SCEL: variants seen among roughly 807,000 people sequenced by gnomAD.
The protein encoded by SCEL is sciellin.
Under a neutral mutation model 117.6 loss-of-function variants are expected in SCEL, and 113 were observed. That is an observed-to-expected ratio of 0.96 (90% CI 0.83 to 1.12). SCEL has a LOEUF of 1.12. Among genes scored for constraint, SCEL ranks in the 50% most tolerant of loss-of-function variants. SCEL has a pLI of 0.00. For missense variants in SCEL, 785 were observed against 810.8 expected (o/e 0.97, Z 0.39); for synonymous variants, 270 against 256.2 (o/e 1.05, Z -0.51).
At chr13:77,543,284 C>T (rs1480358548) in intron 1 of SCEL, among the ~76,000 whole-genome samples, 1 of 151,564 alleles carries the variant, frequency 6.6e-6, no homozygotes, top group African/African-American at 2.4e-5. Flanking sequence ...GGGGTTTCAC[C>T]GTTTTAGCCG....
chr13:77,543,747 A>G (rs1328260789), intron 1 of SCEL, among the ~76,000 whole-genome samples: 1 of 152,212 alleles, frequency 6.6e-6, no homozygotes, highest in Non-Finnish European at 1.5e-5. Context: ...CTCCAGCTGC[A>G]TCCATGTTGC....
At chr13:77,587,190 C>A (rs1446975549) in intron 9 of SCEL, among the ~76,000 whole-genome samples, 2 of 152,048 alleles carry the variant, frequency 1.3e-5, no homozygotes, top group Non-Finnish European at 2.9e-5. Flanking sequence ...GAACCTTCCT[C>A]ACTCTGAGTC....
At position 77,550,149 on chromosome 13, in the gene SCEL, G is replaced by A. The variant is rs186288865; in HGVS notation, c.-19-5708G>A. Among the ~76,000 whole-genome samples, 3 of 151,978 alleles carry A rather than the reference G, an allele frequency of 2.0e-5. 1 individual carries two copies. Among genetic ancestry groups the A allele is most frequent in the African/African-American group, 7.2e-5 (3 of 41,454 alleles). ...ATCTGTAATCCCAGTACTTCGGGAG[G>A]CTGAGGCAGGTGGATGGCTTGAGGC... On this transcript the variant is annotated intron_variant, in intron 1 of 32. Coordinates refer to ENST00000349847, the MANE Select transcript of SCEL (RefSeq NM_144777.3).
At chr13:77,542,759 T>G (rs1194040428) in intron 1 of SCEL, among the ~76,000 whole-genome samples, 1 of 152,206 alleles carries the variant, frequency 6.6e-6, no homozygotes, top group Non-Finnish European at 1.5e-5. Flanking sequence ...TCTTGTACTT[T>G]TAGGTGGTAA....
intron 1 of SCEL, among the ~76,000 whole-genome samples, chr13:77,536,690 G>T (rs942872557): frequency 6.6e-6 from 1 of 152,096 alleles, no homozygotes; most frequent in African/African-American, 2.4e-5. Flanking sequence ...TTATGATACA[G>T]AGCTGTGGGA....
rs2090724102 is a variant in SCEL, at chr13:77,645,017, CTG to C, written c.*747_*748del. On this transcript the variant is annotated 3_prime_UTR_variant, in exon 33 of 33. Transcript: ENST00000349847. ...TAATCACAGACTTAGTGTTTGAAAA[CTG>C]TGTTTTAAAAACAGAAACAGATTGA... is the stretch of plus-strand genomic sequence containing the variant. 1 of 152,014 alleles carries C rather than the reference CTG, an allele frequency of 6.6e-6. No individual in the cohort carries two copies. Among genetic ancestry groups the C allele is most frequent in the African/African-American group, 2.4e-5 (1 of 41,420 alleles). The allele number at this position is 152,014 out of a possible 1,614,324, so 9.4% of individuals were successfully genotyped here.
intron 28 of SCEL, 43 bp downstream of exon 28, chr13:77,628,052 A>G (rs746904333): frequency 5.5e-6 from 4 of 729,982 alleles, no homozygotes; most frequent in Admixed American, 4.8e-5. Flanking sequence ...TGAGTTCTAT[A>G]TGCATCTGCA....
chr13:77,573,064 G>T (rs1209199985), intron 9 of SCEL, among the ~76,000 whole-genome samples: 1 of 152,176 alleles, frequency 6.6e-6, no homozygotes, highest in Non-Finnish European at 1.5e-5. Context: ...TTTGTTGAGA[G>T]TAATAGTTAT....
At chr13:77,552,283 A>G (rs1272429254) in intron 1 of SCEL, among the ~76,000 whole-genome samples, 1 of 149,036 alleles carries the variant, frequency 6.7e-6, no homozygotes, top group African/African-American at 2.5e-5. Context: ...GACTTCCACA[A>G]TGGTTGAACT....
chr13:77,564,480 C>G (rs1399583501), intron 5 of SCEL, among the ~76,000 whole-genome samples: 3 of 152,102 alleles, frequency 2.0e-5, no homozygotes, highest in Non-Finnish European at 4.4e-5. Flanking sequence ...GGGCTCATCT[C>G]TACAGGGAAA....
intron 1 of SCEL, among the ~76,000 whole-genome samples, chr13:77,541,345 G>A (rs192007486): frequency 3.3e-5 from 5 of 152,294 alleles, no homozygotes; most frequent in African/African-American, 1.2e-4. Flanking sequence ...AATTCTAAAT[G>A]CTGGCAAATG....
intron 1 of SCEL, among the ~76,000 whole-genome samples, chr13:77,546,139 A>G (rs1397905949): frequency 2.6e-5 from 4 of 152,204 alleles, no homozygotes; most frequent in Admixed American, 2.0e-4. Flanking sequence ...CAGTGTGTTC[A>G]TTGGGGAGTG....
At chr13:77,554,365 A>G (rs141793366) in intron 1 of SCEL, among the ~76,000 whole-genome samples, 25 of 152,316 alleles carry the variant, frequency 1.6e-4, no homozygotes, top group African/African-American at 6.0e-4. Context: ...GTAGCTGCCA[A>G]GCTTCAGACT....
At position 77,589,182 on chromosome 13, in the gene SCEL, G is replaced by C. The variant is rs1346861559; in HGVS notation, c.584G>C (p.Ser195Thr). 1 of 1,613,152 alleles carries C rather than the reference G, an allele frequency of 6.2e-7. No individual in the cohort carries two copies. The highest frequency in any genetic ancestry group is 8.5e-7 in the Non-Finnish European group (1 of 1,179,232). The change falls in exon 10 of 33, where the codon AGT (serine) becomes ACT (threonine). Residue 195 changes from serine to threonine, a missense_variant. Coordinates refer to ENST00000349847, the MANE Select transcript of SCEL (RefSeq NM_144777.3). ...CACCCTCCAATACCTCCAAAGCCCA[G>C]TTCTCCTGTTTCTTCTCCTAACCAG... The part of the protein sequence containing the change: ...GVHPPIPPKP[S>T]SPVSSPNQLR...
At chr13:77,536,408 AGG>A (rs2083425157) in intron 1 of SCEL, among the ~76,000 whole-genome samples, 1 of 152,104 alleles carries the variant, frequency 6.6e-6, no homozygotes, top group African/African-American at 2.4e-5. Flanking sequence ...GAAAGTACCA[AGG>A]AGTAAAGGCA....
chr13:77,637,035 G>A, intron 29 of SCEL, 85 bp from the exon 30 acceptor site: 2 of 598,704 alleles, frequency 3.3e-6, no homozygotes, highest in Non-Finnish European at 5.9e-6. Flanking sequence ...ATATTATGAG[G>A]CTTCATGAGG....
intron 19 of SCEL, among the ~76,000 whole-genome samples, chr13:77,605,409 G>A (rs1196123237): frequency 6.6e-6 from 1 of 152,146 alleles, no homozygotes; most frequent in East Asian, 1.9e-4. Flanking sequence ...AGAAAACATT[G>A]ATTTCCTTCA....
At chr13:77,605,692 C>T (rs972778258) in intron 19 of SCEL, among the ~76,000 whole-genome samples, 5 of 152,082 alleles carry the variant, frequency 3.3e-5, no homozygotes, top group East Asian at 1.9e-4. Context: ...ATCCATGTTC[C>T]TTTTCTAATT....
In SCEL at chr13:77,582,194, G is replaced by A. The variant is rs887071519; in HGVS notation, c.546-6950G>A. On this transcript the variant is annotated intron_variant, in intron 9 of 32. Transcript: ENST00000349847. ...CCTTTTCATATGTTTGCATGTGTTT[G>A]TTTGTCATCTGTGTATCTTCCTTGG... is the stretch of plus-strand genomic sequence containing the variant. 2.0e-5 allele frequency among the ~76,000 whole-genome samples: 3 copies of A among 152,034 alleles called. No individual in the cohort carries two copies. The South Asian group carries it at 6.2e-4, about 32-fold the overall frequency.
Sources: gnomAD v4.1 joint callset for allele counts (sites outside exome capture counted in the v4.1 genomes callset) on GRCh38, gnomAD v4.1.1 for gene constraint, MANE v1.5 for transcripts, NCBI Gene and HGNC (gene_info 2026-07-23, HGNC 2026-07-21) for gene names.